Variants in THOC5 observed in about 807,000 individuals in gnomAD.
THOC5 encodes the protein THO complex subunit 5.
A neutral mutation model predicts 92.9 loss-of-function variants in THOC5; 43 were observed. The ratio of observed to expected loss-of-function variants is 0.46; its 90% CI spans 0.36 to 0.60. The LOEUF (loss-of-function observed/expected upper bound fraction) is 0.60. THOC5 is among the 20% of genes least tolerant of loss of function. The pLI is 0.00. For synonymous variants in THOC5, 296 were observed against 320.1 expected (o/e 0.92, Z 0.80); for missense variants, 659 against 849.4 (o/e 0.78, Z 2.79).
chr22:29,531,577 C>A, intron 8 of THOC5: 2 of 1,214,030 alleles, frequency 1.6e-6, no homozygotes, highest in Non-Finnish European at 2.1e-6. Flanking sequence ...GGGTTCTGCA[C>A]CCAAGAGCTG....
At chr22:29,511,357 G>A in intron 18 of THOC5, 61 bp from the exon 19 acceptor site, 1 of 1,553,484 alleles carries the variant, frequency 6.4e-7, no homozygotes, top group Non-Finnish European at 8.7e-7. Context: ...GACCACACTG[G>A]CCAGGCTTCC....
chr22:29,529,138 G>A lies in THOC5; in HGVS notation c.925+24C>T, dbSNP rs1377296055. ...GGATGGTGACCTGGTGTCCCTGGGG[G>A]ACGAATCCCAACCACCACATTACCT... On this transcript the variant is annotated intron_variant, in intron 9 of 19. Coordinates refer to ENST00000490103, the MANE Select transcript of THOC5 (RefSeq NM_003678.5). 3.7e-6 allele frequency: 6 copies of A among 1,613,114 alleles called. No individual in the cohort carries two copies. The African/African-American group carries it at 8.0e-5, about 22-fold the overall frequency.
chr22:29,552,354 G>C (rs1352944294), intron 1 of THOC5, among the ~76,000 whole-genome samples: 3 of 150,630 alleles, frequency 2.0e-5, no homozygotes, highest in Non-Finnish European at 4.4e-5. Context: ...GTCTCTGCCC[G>C]GCCGCCCATC....
chr22:29,543,073 G>A (rs2063933277), intron 4 of THOC5, 117 bp from the exon 5 acceptor site: 6 of 722,528 alleles, frequency 8.3e-6, no homozygotes, highest in Non-Finnish European at 1.4e-5. Context: ...GCTGGGTGCA[G>A]TGGCTCACGC....
rs1410617443 is a variant in THOC5 at position 29,552,678 on chromosome 22, C to T, written c.-12+993G>A. ...CCGGGAGGTGGGGGGCGCCTCTGCC[C>T]GGCCGCCCCTTCTGGGAGGTGAGGA... On this transcript the variant is annotated intron_variant, in intron 1 of 19. Coordinates refer to ENST00000490103, the MANE Select transcript of THOC5 (RefSeq NM_003678.5). Among the ~76,000 whole-genome samples the T allele has an allele frequency of 2.6e-5, 4 of 151,754 alleles. No homozygotes were observed. In the East Asian group the frequency reaches 5.8e-4, roughly 22 times the overall value.
chr22:29,545,235 C>A (rs2063991797), intron 2 of THOC5: 1 of 190,222 alleles, frequency 5.3e-6, no homozygotes, highest in Admixed American at 6.0e-5. Flanking sequence ...AGACTGGCCC[C>A]CATGATGCAA....
intron 8 of THOC5, chr22:29,531,493 G>A: frequency 1.9e-6 from 2 of 1,063,756 alleles, no homozygotes; most frequent in Non-Finnish European, 2.3e-6. Flanking sequence ...CCCTGAAGCA[G>A]AGCAAGAGGC....
At position 29,519,119 on chromosome 22, in the gene THOC5, T is replaced by G; in HGVS notation, c.1376A>C (p.Gln459Pro). Reference sequence around the variant, plus strand: ...CAGCGAGTGGTCAGCAATCACTGTTTGCTGTGAGTGACAATGAGACACATA... The same window carrying G: ...CAGCGAGTGGTCAGCAATCACTGTTGGCTGTGAGTGACAATGAGACACATA... ...GLHFPKEQPQ[Q>P]TVIADHSLSA... The change falls in exon 15 of 20, where the codon CAA becomes CCA. Residue 459 changes from glutamine (Q) to proline (P), a missense_variant and splice_region_variant. Gln to Pro is a moderately conservative substitution (Grantham distance 76). Transcript: ENST00000490103. The G allele has an allele frequency of 1.2e-6, 2 of 1,604,812 alleles. No homozygotes were observed. The highest frequency in any genetic ancestry group is 1.7e-6 in the Non-Finnish European group (2 of 1,174,244).
At position 29,521,224 on chromosome 22, in the gene THOC5, T is replaced by C. The variant is rs2270079; in HGVS notation, c.1176-125A>G. 0.036 allele frequency: 25,611 copies of C among 712,550 alleles called. 3,233 individuals are homozygous for C. The East Asian group carries it at 0.38, about 11-fold the overall frequency. 44.1% of individuals were successfully genotyped at this position (712,550 alleles called of 1,614,324 possible). A position where few individuals can be genotyped will look rare whatever the true frequency, so the allele number is the denominator to read the frequency against. On this transcript the variant is annotated intron_variant, in intron 12 of 19. Transcript: ENST00000490103. ...ACCAATGCCACCATTTATTGAAGGC[T>C]TTCTGTGGGCCAGACCGTTTATATG...
At chr22:29,545,442 A>G (rs972382733) in intron 2 of THOC5, among the ~76,000 whole-genome samples, 1 of 152,166 alleles carries the variant, frequency 6.6e-6, no homozygotes, top group African/African-American at 2.4e-5. Flanking sequence ...AAAAGTCCAT[A>G]GTCCAAAATC....
chr22:29,539,142 A>G (rs1408441024), intron 6 of THOC5, among the ~76,000 whole-genome samples, 188 bp downstream of exon 6: 2 of 151,504 alleles, frequency 1.3e-5, no homozygotes, highest in East Asian at 3.9e-4. Flanking sequence ...CCCTTAAGCA[A>G]TTATAACCCC....
At chr22:29,511,547 A>G in intron 18 of THOC5, 1 of 515,382 alleles carries the variant, frequency 1.9e-6, no homozygotes, top group South Asian at 3.0e-5. Flanking sequence ...AGAGGTGTGC[A>G]GGGAAGCAGT....
At chr22:29,533,450 A>G (rs1239745662) in intron 7 of THOC5, among the ~76,000 whole-genome samples, 1 of 152,242 alleles carries the variant, frequency 6.6e-6, no homozygotes, top group Non-Finnish European at 1.5e-5. Context: ...GAAAGAAAAA[A>G]TGAATCTTTA....
chr22:29,533,629 C>T (rs1260406222), intron 7 of THOC5, among the ~76,000 whole-genome samples: 1 of 152,116 alleles, frequency 6.6e-6, no homozygotes, highest in African/African-American at 2.4e-5. Context: ...CAGGAGGTTA[C>T]AGAATGGGGA....
intron 6 of THOC5, among the ~76,000 whole-genome samples, chr22:29,538,496 G>A (rs1388817951): frequency 1.3e-5 from 2 of 151,844 alleles, no homozygotes; most frequent in Non-Finnish European, 2.9e-5. Flanking sequence ...AAGGTCTTCG[G>A]CATTAAAATT....
chr22:29,507,785 A>G lies in THOC5; in HGVS notation c.*672T>C, dbSNP rs2063152127. Reference sequence around the variant, plus strand: ...CTATGTTAGCAGTAAGTAACTACTAATAGCATACTACTGGTCAACAGCAGG... The same window carrying G: ...CTATGTTAGCAGTAAGTAACTACTAGTAGCATACTACTGGTCAACAGCAGG... On this transcript the variant is annotated 3_prime_UTR_variant, in exon 20 of 20. Coordinates refer to ENST00000490103, the MANE Select transcript of THOC5 (RefSeq NM_003678.5). 1 of 152,594 alleles carries G rather than the reference A, an allele frequency of 6.6e-6. No individual in the cohort carries two copies. The highest frequency in any genetic ancestry group is 1.5e-5 in the Non-Finnish European group (1 of 68,356). The allele number at this position is 152,594 out of a possible 1,614,324, so 9.5% of individuals were successfully genotyped here.
At chr22:29,538,788 C>T (rs545051876) in intron 6 of THOC5, among the ~76,000 whole-genome samples, 10 of 111,972 alleles carry the variant, frequency 8.9e-5, no homozygotes, top group South Asian at 3.0e-4. Context: ...TAGAGTGAAA[C>T]GCCATCTCTT....
chr22:29,520,891 C>T (rs1345818221), intron 13 of THOC5, 107 bp downstream of exon 13: 4 of 802,650 alleles, frequency 5.0e-6, no homozygotes, highest in Non-Finnish European at 8.6e-6. Context: ...GTGGTCTTTC[C>T]TATCCTCTGG....
chr22:29,528,480 G>C lies in THOC5; in HGVS notation c.926-14C>G, dbSNP rs773968437. The stretch of plus-strand genomic sequence containing the variant: ...CACTCTCGTCATCTGCAGCCACAGA[G>C]AGAAGGCAGCTAGAGGTGAGGGGGC... On this transcript the variant is annotated splice_polypyrimidine_tract_variant and intron_variant, in intron 9 of 19. Transcript: ENST00000490103. 45 of 1,612,456 alleles carry C rather than the reference G, an allele frequency of 2.8e-5. No individual in the cohort carries two copies. The highest frequency in any genetic ancestry group is 3.6e-5 in the Non-Finnish European group (42 of 1,180,018).
Sources: gnomAD v4.1 joint callset for allele counts (sites outside exome capture counted in the v4.1 genomes callset) on GRCh38, gnomAD v4.1.1 for gene constraint, MANE v1.5 for transcripts, NCBI Gene and HGNC (gene_info 2026-07-23, HGNC 2026-07-21) for gene names.